The following PCDHA4 variants were observed in gnomAD, a reference collection of about 807,000 sequenced individuals.
PCDHA4 encodes the protein protocadherin alpha-4.
A neutral mutation model predicts 61.4 loss-of-function variants in PCDHA4; 49 were observed. The ratio of observed to expected loss-of-function variants is 0.80; its 90% CI spans 0.63 to 1.01. The LOEUF is 1.01. PCDHA4 is among the 50% of genes least tolerant of loss of function. The pLI is 0.00. For missense variants in PCDHA4, 1,254 were observed against 1,235.8 expected (o/e 1.01, Z -0.22); for synonymous variants, 590 against 550.3 (o/e 1.07, Z -1.01).
chr5:140,986,280 C>T (rs2097193236), intron 3 of PCDHA4, among the ~76,000 whole-genome samples: 1 of 152,116 alleles, frequency 6.6e-6, no homozygotes, highest in African/African-American at 2.4e-5. Flanking sequence ...TTTCAGCTTC[C>T]CTTGAGACTG....
chr5:140,834,648 C>T (rs1554134397), intron 1 of PCDHA4: 3 of 1,614,200 alleles, frequency 1.9e-6, no homozygotes, highest in Admixed American at 1.7e-5. Flanking sequence ...TGTGAATTCT[C>T]GGATCGACCG....
At chr5:140,989,582 G>A (rs1554250917) in intron 3 of PCDHA4, among the ~76,000 whole-genome samples, 1 of 152,200 alleles carries the variant, frequency 6.6e-6, no homozygotes, top group Non-Finnish European at 1.5e-5. Flanking sequence ...CCTGTCCTCA[G>A]CCTCACTGAC....
At chr5:140,987,949 A>G (rs1251112253) in intron 3 of PCDHA4, among the ~76,000 whole-genome samples, 1 of 152,162 alleles carries the variant, frequency 6.6e-6, no homozygotes, top group Non-Finnish European at 1.5e-5. Context: ...CTGTCTGACA[A>G]AACCAACTCC....
chr5:140,874,662 G>A (rs1478767625), intron 1 of PCDHA4, among the ~76,000 whole-genome samples: 1 of 152,170 alleles, frequency 6.6e-6, no homozygotes, highest in Non-Finnish European at 1.5e-5. Flanking sequence ...AAACTTTCCA[G>A]AATCTATTCC....
chr5:140,809,535 A>C lies in PCDHA4; in HGVS notation c.2348A>C (p.Glu783Ala), dbSNP rs138003823. ...SPSLPDSRDR[E>A]DQLQTTEESF... is the part of the protein sequence containing the mutation. ...AGTTTACCTGACTCTAGGGACAGAG[A>C]AGATCAGCTGCAGACAACTGAGGAA... The change falls in exon 1 of 4, where the codon GAA becomes GCA. Residue 783 changes from glutamate (E) to alanine (A), a missense_variant. Physicochemically the swap from Glu to Ala is moderately radical, Grantham distance 107. Transcript: ENST00000530339. 1 of 1,613,920 alleles carries C rather than the reference A, an allele frequency of 6.2e-7. No homozygotes were observed. Among genetic ancestry groups the C allele is most frequent in the Non-Finnish European group, 8.5e-7 (1 of 1,179,898 alleles).
rs952231570 is a variant in PCDHA4 at position 140,897,305 on chromosome 5, G to C, written c.2386-81644G>C. Among the ~76,000 whole-genome samples the C allele has an allele frequency of 1.9e-3, 284 of 150,706 alleles. 1 individual carries two copies. Among genetic ancestry groups the C allele is most frequent in the African/African-American group, 6.8e-3 (278 of 41,056 alleles). On this transcript the variant is annotated intron_variant, in intron 1 of 3. Coordinates refer to ENST00000530339, the MANE Select transcript of PCDHA4 (RefSeq NM_018907.4). ...CCATTAACTCGTCATTTAGCATTAG[G>C]TATATCTCCTAAAGCTATCCCTCCC...
chr5:140,827,592 C>T (rs1191123188), intron 1 of PCDHA4, among the ~76,000 whole-genome samples: 2 of 152,162 alleles, frequency 1.3e-5, no homozygotes, highest in African/African-American at 4.8e-5. Context: ...CTAGGAAAGA[C>T]AGATGTGGGC....
At chr5:140,852,770 T>C in intron 1 of PCDHA4, 7 of 981,816 alleles carry the variant, frequency 7.1e-6, no homozygotes, top group Non-Finnish European at 8.6e-6. Flanking sequence ...TCTGATTATT[T>C]GATGTGAATA....
intron 1 of PCDHA4, among the ~76,000 whole-genome samples, chr5:140,820,722 AC>A (rs1367425301): frequency 6.6e-6 from 1 of 152,090 alleles, no homozygotes; most frequent in Non-Finnish European, 1.5e-5. Context: ...ATTTACTGGA[AC>A]CTAAACATTT....
intron 1 of PCDHA4, chr5:140,828,262 G>T (rs782427409): frequency 2.5e-6 from 4 of 1,613,900 alleles, no homozygotes; most frequent in Non-Finnish European, 3.4e-6. Context: ...TGGAGCTGGC[G>T]GAGCTGGTGC....
chr5:140,967,548 C>G (rs782750678), intron 1 of PCDHA4: 1 of 1,613,922 alleles, frequency 6.2e-7, no homozygotes, highest in Admixed American at 1.7e-5. Flanking sequence ...GACCAGTCCA[C>G]TTATCGCGTC....
At chr5:140,856,349 T>C in intron 1 of PCDHA4, 1 of 1,598,368 alleles carries the variant, frequency 6.3e-7, no homozygotes, top group Non-Finnish European at 8.6e-7. Flanking sequence ...GAGCGTGGAG[T>C]GCAGCATCCA....
At chr5:140,915,107 C>T (rs1461317939) in intron 1 of PCDHA4, among the ~76,000 whole-genome samples, 1 of 151,880 alleles carries the variant, frequency 6.6e-6, no homozygotes, top group African/African-American at 2.4e-5. Flanking sequence ...CACCACAACA[C>T]CCACCTAATT....
chr5:140,921,233 T>C lies in PCDHA4; in HGVS notation c.2386-57716T>C, dbSNP rs1431130539. 2.6e-5 allele frequency among the ~76,000 whole-genome samples: 4 copies of C among 152,162 alleles called. No individual in the cohort carries two copies. The East Asian group carries it at 5.8e-4, about 22-fold the overall frequency. ...TTCACGTCTTTTTTGCTAGATGATATTAAGCCACAGATCAAAAAGTCCTAG... is the reference window on the plus strand; with the variant it reads ...TTCACGTCTTTTTTGCTAGATGATACTAAGCCACAGATCAAAAAGTCCTAG... On this transcript the variant is annotated intron_variant, in intron 1 of 3. Coordinates refer to ENST00000530339, the MANE Select transcript of PCDHA4 (RefSeq NM_018907.4).
intron 1 of PCDHA4, among the ~76,000 whole-genome samples, chr5:140,890,854 T>G (rs1320462436): frequency 6.6e-6 from 1 of 152,232 alleles, no homozygotes; most frequent in Non-Finnish European, 1.5e-5. Context: ...TTTCTCTTCC[T>G]TACTTCTTGC....
chr5:140,870,825 C>T, intron 1 of PCDHA4: 1 of 1,613,726 alleles, frequency 6.2e-7, no homozygotes, highest in Non-Finnish European at 8.5e-7. Flanking sequence ...GCGCGGGAGG[C>T]GCAGTTAACA....
In PCDHA4 at chr5:140,857,452, G is replaced by T. The variant is rs782723934; in HGVS notation, c.2385+47880G>T. 4.4e-6 allele frequency: 7 copies of T among 1,598,562 alleles called. No individual in the cohort carries two copies. The East Asian group carries it at 6.7e-5, about 15-fold the overall frequency. ...CGGTGTTCGTGAAGGAGAACAACCC[G>T]CCAGGCTGCCACATCTTCACGGTGT... On this transcript the variant is annotated intron_variant, in intron 1 of 3. Transcript: ENST00000530339.
chr5:140,934,172 G>A (rs781789188), intron 1 of PCDHA4, among the ~76,000 whole-genome samples: 47 of 152,018 alleles, frequency 3.1e-4, no homozygotes, highest in Non-Finnish European at 6.6e-4. Flanking sequence ...TGCAACAGAA[G>A]TACTCTAAAC....
intron 1 of PCDHA4, chr5:140,834,530 G>A: frequency 6.2e-7 from 1 of 1,614,068 alleles, no homozygotes; most frequent in Non-Finnish European, 8.5e-7. Context: ...GCCGCATCGC[G>A]CAGGACCTGG....
Sources: allele counts gnomAD v4.1 joint callset (sites outside exome capture counted in the v4.1 genomes callset), GRCh38; gene constraint gnomAD v4.1.1; transcripts MANE v1.5; gene names NCBI Gene and HGNC (gene_info 2026-07-23, HGNC 2026-07-21).